ZNF143: variants seen among roughly 807,000 people sequenced by gnomAD.
ZNF143 encodes zinc finger protein 143.
In ZNF143, 49 loss-of-function variants were observed where a neutral mutation model predicts 74.1. The observed-to-expected ratio is 0.66, with a 90% CI of 0.53 to 0.84. The LOEUF (loss-of-function observed/expected upper bound fraction) is 0.84. Among genes scored for constraint, ZNF143 ranks in the 40% least tolerant of loss-of-function variants. The pLI, the probability that ZNF143 is intolerant of heterozygous loss-of-function variation, is 0.00. For missense variants in ZNF143, 637 were observed against 793.4 expected, an observed-to-expected ratio of 0.80 and a Z score of 2.37; for synonymous variants, 304 against 282.8, an observed-to-expected ratio of 1.07 and a Z score of -0.75.
At chr11:9,479,639 C>T in intron 7 of ZNF143, 93 bp downstream of exon 7, 1 of 967,026 alleles carries the variant, frequency 1.0e-6, no homozygotes, top group South Asian at 1.5e-5. Flanking sequence ...CACTACCTCT[C>T]TAGGAAAATC....
chr11:9,464,085 T>TG (rs1491436850), intron 1 of ZNF143, among the ~76,000 whole-genome samples: 3,080 of 104,280 alleles, frequency 0.03, 56 homozygotes, highest in South Asian at 0.046. Flanking sequence ...TGTGTGTGTG[T>TG]TTGTGTGTGT....
chr11:9,508,776 C>T lies in ZNF143; in HGVS notation c.1305C>T (p.His435=). The part of the protein sequence containing the change: ...TYKQISTLAM[H]KRTAHNDTEP... ...AGCAGATCTCCACGCTGGCCATGCACAAACGGACAGCCCACAACGACACTG... is the reference window on the plus strand; with the variant it reads ...AGCAGATCTCCACGCTGGCCATGCATAAACGGACAGCCCACAACGACACTG... Residue 435 remains histidine, a synonymous_variant, in exon 12 of 16, where the codon CAC becomes CAT. Transcript: ENST00000396602. 1 of 1,612,008 alleles carries T rather than the reference C, an allele frequency of 6.2e-7. No homozygotes were observed. Among genetic ancestry groups the T allele is most frequent in the South Asian group, 1.1e-5 (1 of 90,770 alleles).
At chr11:9,520,667 T>A (rs1379273029) in intron 14 of ZNF143, among the ~76,000 whole-genome samples, 1 of 152,140 alleles carries the variant, frequency 6.6e-6, no homozygotes, top group Non-Finnish European at 1.5e-5. Flanking sequence ...TGTGCACCTT[T>A]AGTCCCAGCT....
chr11:9,475,649 G>C lies in ZNF143; in HGVS notation c.373+1016G>C, dbSNP rs150990667. 2.4e-3 allele frequency among the ~76,000 whole-genome samples: 359 copies of C among 152,246 alleles called. 2 individuals carry two copies. The highest frequency in any genetic ancestry group is 8.4e-3 in the African/African-American group (347 of 41,550). ...CTCATGCCTGTAATCCTAGCACTTTGGGAGGCCGATGCAGGCGGATCACCT... is the reference window on the plus strand; with the variant it reads ...CTCATGCCTGTAATCCTAGCACTTTCGGAGGCCGATGCAGGCGGATCACCT... On this transcript the variant is annotated intron_variant, in intron 5 of 15. Transcript: ENST00000396602.
At chr11:9,492,218 C>G (rs755116130) in intron 7 of ZNF143, among the ~76,000 whole-genome samples, 3 of 147,444 alleles carry the variant, frequency 2.0e-5, no homozygotes, top group Non-Finnish European at 4.4e-5. Context: ...TCAAGCAATT[C>G]TCCTGCCGCA....
chr11:9,477,420 A>AT (rs971633899), intron 5 of ZNF143, among the ~76,000 whole-genome samples: 7 of 151,330 alleles, frequency 4.6e-5, no homozygotes, highest in Non-Finnish European at 8.9e-5. Flanking sequence ...ATGCCCAGCT[A>AT]TTTTTTTTGT....
intron 13 of ZNF143, 138 bp downstream of exon 13, chr11:9,512,734 G>A (rs1192642998): frequency 1.7e-5 from 16 of 936,176 alleles, no homozygotes; most frequent in Non-Finnish European, 2.6e-5. Context: ...TCAGTAGTCT[G>A]CTTACAGAGA....
Position 9,474,010 on chromosome 11 carries a change from C to T in ZNF143, c.275C>T (p.Pro92Leu). The change falls in exon 4 of 16, where the codon CCC becomes CTC. Residue 92 changes from proline (P) to leucine (L), a missense_variant. Pro to Leu is a moderately conservative substitution (Grantham distance 98). Around this residue, in one of 2 missense-constraint regions of ZNF143, gnomAD observed 293 missense variants for 307.8 expected, o/e 0.95. Transcript: ENST00000396602. The stretch of plus-strand genomic sequence containing the variant: ...TCTGCGGCCTATGTTCAACATGTAC[C>T]CATACCTAAAAGTAGTAAGTATTTA... ...DGSAAYVQHV[P>L]IPKSTGDSLR... is the part of the protein sequence containing the mutation. 6.2e-7 allele frequency: 1 copy of T among 1,612,574 alleles called. No homozygotes were observed. The highest frequency in any genetic ancestry group is 8.5e-7 in the Non-Finnish European group (1 of 1,178,834).
chr11:9,463,201 G>A (rs1304208883), intron 1 of ZNF143, among the ~76,000 whole-genome samples: 1 of 152,192 alleles, frequency 6.6e-6, no homozygotes, highest in Non-Finnish European at 1.5e-5. Flanking sequence ...CATTTGGGTT[G>A]TTTCCACCCT....
intron 7 of ZNF143, among the ~76,000 whole-genome samples, chr11:9,483,174 A>G (rs181463856): frequency 0.011 from 1,637 of 147,790 alleles, 95 homozygotes; most frequent in Admixed American, 0.073. Context: ...TTGTATTTTT[A>G]GTAGAGATGA....
intron 11 of ZNF143, among the ~76,000 whole-genome samples, chr11:9,506,890 G>A (rs1018042746): frequency 6.6e-6 from 1 of 152,056 alleles, no homozygotes; most frequent in Admixed American, 6.6e-5. Context: ...GAGCTCAAAA[G>A]CTCAATCCAA....
chr11:9,520,106 G>A (rs1340174929), intron 14 of ZNF143, among the ~76,000 whole-genome samples: 2 of 134,654 alleles, frequency 1.5e-5, no homozygotes, highest in Admixed American at 8.9e-5. Context: ...GCCCAATCTC[G>A]GCTCACTGCA....
chr11:9,462,543 A>G (rs1475446634), intron 1 of ZNF143, among the ~76,000 whole-genome samples: 1 of 149,432 alleles, frequency 6.7e-6, no homozygotes, highest in Non-Finnish European at 1.5e-5. Context: ...CGTCTGGGTG[A>G]CAGAGACCGG....
At chr11:9,465,666 A>AT (rs147781124) in intron 1 of ZNF143, among the ~76,000 whole-genome samples, 4,402 of 129,380 alleles carry the variant, frequency 0.034, 169 homozygotes, top group African/African-American at 0.1. Flanking sequence ...CGCCTGGCTA[A>AT]TTTTTTTTTT....
At chr11:9,488,903 A>G (rs1306220165) in intron 7 of ZNF143, among the ~76,000 whole-genome samples, 1 of 152,162 alleles carries the variant, frequency 6.6e-6, no homozygotes, top group African/African-American at 2.4e-5. Context: ...GAAAAAAAAA[A>G]GATTTATTTG....
chr11:9,507,807 G>T (rs185230150), intron 11 of ZNF143, among the ~76,000 whole-genome samples: 5 of 152,230 alleles, frequency 3.3e-5, no homozygotes, highest in Admixed American at 6.5e-5. Flanking sequence ...TATACAGCCT[G>T]AAAGAAAAAG....
chr11:9,514,394 A>G (rs112898381), intron 13 of ZNF143, among the ~76,000 whole-genome samples: 4 of 152,196 alleles, frequency 2.6e-5, no homozygotes, highest in African/African-American at 9.7e-5. Context: ...CAGTCAAATG[A>G]TAGACATTTA....
At chr11:9,484,899 G>A (rs896093394) in intron 7 of ZNF143, among the ~76,000 whole-genome samples, 4 of 140,390 alleles carry the variant, frequency 2.8e-5, no homozygotes, top group African/African-American at 8.2e-5. Flanking sequence ...CCGGGTTCAC[G>A]CCATTCTCCT....
At chr11:9,467,355 C>A (rs920234132) in intron 1 of ZNF143, among the ~76,000 whole-genome samples, 1 of 151,570 alleles carries the variant, frequency 6.6e-6, no homozygotes, top group Non-Finnish European at 1.5e-5. Flanking sequence ...CCTGCCTCAG[C>A]TGGGAGTAGC....
Sources: gnomAD v4.1 joint callset for allele counts (sites outside exome capture counted in the v4.1 genomes callset) on GRCh38, gnomAD v4.1.1 for gene constraint, gnomAD v4.1.1 regional missense constraint, MANE v1.5 for transcripts, NCBI Gene and HGNC (gene_info 2026-07-23, HGNC 2026-07-21) for gene names.